Variants in UBR7 observed in about 807,000 individuals in gnomAD.
UBR7 encodes the protein ubiquitin protein ligase E3 component n-recognin 7, also known as putative E3 ubiquitin-protein ligase UBR7.
In UBR7, 22 loss-of-function variants were observed where a neutral mutation model predicts 57.0. That is an observed-to-expected ratio of 0.39 (90% CI 0.28 to 0.55). The LOEUF (loss-of-function observed/expected upper bound fraction) is 0.55, where lower values mean the gene tolerates loss of function less well. Ranked by LOEUF, UBR7 falls within the 20% of genes least tolerant of loss-of-function variation. UBR7 has a pLI of 0.69. For missense variants in UBR7, 395 were observed against 513.2 expected, an observed-to-expected ratio of 0.77 and a Z score of 2.23; for synonymous variants, 167 against 179.8, an observed-to-expected ratio of 0.93 and a Z score of 0.57.
chr14:93,213,180 C>A (rs751220957), intron 4 of UBR7, among the ~76,000 whole-genome samples: 7 of 152,038 alleles, frequency 4.6e-5, no homozygotes, highest in Non-Finnish European at 8.8e-5. Flanking sequence ...AAATTGTGAT[C>A]ATATCTGCCA....
intron 9 of UBR7, among the ~76,000 whole-genome samples, chr14:93,221,860 G>C (rs1019705723): frequency 6.6e-6 from 1 of 152,078 alleles, no homozygotes; most frequent in African/African-American, 2.4e-5. Context: ...GCGCGTGCCT[G>C]TAGTCCCAGC....
chr14:93,217,440 TC>T (rs1403599791), intron 6 of UBR7, among the ~76,000 whole-genome samples: 1 of 152,188 alleles, frequency 6.6e-6, no homozygotes, highest in African/African-American at 2.4e-5. Context: ...AGCTCCCCTA[TC>T]GTTTCTCTTC....
Position 93,228,577 on chromosome 14 carries a change from G to T in UBR7, c.*1542G>T, listed in dbSNP as rs1035943272. 34 of 453,948 alleles carry T rather than the reference G, an allele frequency of 7.5e-5. No individual in the cohort carries two copies. Among genetic ancestry groups the T allele is most frequent in the African/African-American group, 6.2e-4 (31 of 49,986 alleles). 28.1% of individuals were successfully genotyped at this position (453,948 alleles called of 1,614,324 possible). ...CAGGCTCCTAATTGCAGATCCTCAC[G>T]AAGGGTGGTATGTGGAGCTGGAAGG... On this transcript the variant is annotated 3_prime_UTR_variant, in exon 11 of 11. Transcript: ENST00000013070.
At position 93,222,616 on chromosome 14, in the gene UBR7, G is replaced by T. The variant is rs59135548; in HGVS notation, c.1185+242G>T. ...AAATTAGCCAGGCGTGGTGATGGGC[G>T]CCTGTAGTCCCAGCTACTAGGGAGG... On this transcript the variant is annotated intron_variant, in intron 10 of 10. Transcript: ENST00000013070. Among the ~76,000 whole-genome samples the T allele has an allele frequency of 3.9e-5, 6 of 152,110 alleles. 1 individual carries two copies. The East Asian group carries it at 1.2e-3, about 29-fold the overall frequency.
chr14:93,226,404 C>G (rs1227636891), intron 10 of UBR7, among the ~76,000 whole-genome samples: 2 of 152,128 alleles, frequency 1.3e-5, no homozygotes, highest in African/African-American at 4.8e-5. Context: ...TCCCAGCATT[C>G]TGGGAGGAAG....
chr14:93,212,153 G>A, intron 4 of UBR7, 26 bp downstream of exon 4: 1 of 1,561,190 alleles, frequency 6.4e-7, no homozygotes, highest in East Asian at 2.3e-5. Flanking sequence ...GTTAAACCTG[G>A]GGGTGTGTCC....
intron 1 of UBR7, among the ~76,000 whole-genome samples, chr14:93,208,921 CCA>C (rs1338375014): frequency 1.3e-5 from 2 of 152,106 alleles, no homozygotes; most frequent in Non-Finnish European, 2.9e-5. Flanking sequence ...TCTTAGCCTC[CCA>C]AGTAGCTGGG....
intron 10 of UBR7, chr14:93,223,727 T>C: frequency 1.2e-6 from 1 of 826,576 alleles, no homozygotes; most frequent in Non-Finnish European, 2.0e-6. Context: ...TGGCGGCACT[T>C]GCTGGCTGCG....
intron 1 of UBR7, among the ~76,000 whole-genome samples, chr14:93,208,278 G>GA (rs1358842217): frequency 6.6e-6 from 1 of 152,078 alleles, no homozygotes; most frequent in Non-Finnish European, 1.5e-5. Flanking sequence ...ACACTGGGGA[G>GA]ATGAGGGGAG....
chr14:93,223,803 C>G (rs1894768845), intron 10 of UBR7: 1 of 742,718 alleles, frequency 1.3e-6, no homozygotes, highest in Non-Finnish European at 2.5e-6. Context: ...CCATAGACCT[C>G]TCGGTAGCAC....
At chr14:93,226,912 C>A in intron 10 of UBR7, 31 bp from the exon 11 acceptor site, 1 of 1,522,548 alleles carries the variant, frequency 6.6e-7, no homozygotes, top group Non-Finnish European at 9.1e-7. Context: ...TTACTTAGTT[C>A]TCTTTCATAA....
intron 3 of UBR7, 95 bp downstream of exon 3, chr14:93,210,803 AAAG>A (rs1301671525): frequency 4.6e-6 from 5 of 1,081,186 alleles, no homozygotes; most frequent in Admixed American, 2.3e-5. Context: ...TTTTCCAAAA[AAAG>A]AAGTTCTTAT....
chr14:93,228,777 A>G lies in UBR7; in HGVS notation c.*1742A>G. The G allele has an allele frequency of 4.4e-6, 2 of 454,120 alleles. No individual in the cohort carries two copies. 28.1% of individuals were successfully genotyped at this position (454,120 alleles called of 1,614,324 possible). ...ACTATTAGTATACCATCATGTCCGG[A>G]AAACTTTTAATCTTCTCAAATATCT... On this transcript the variant is annotated 3_prime_UTR_variant, in exon 11 of 11. Transcript: ENST00000013070.
At chr14:93,209,992 T>C in intron 2 of UBR7, 35 bp downstream of exon 2, 1 of 1,611,374 alleles carries the variant, frequency 6.2e-7, no homozygotes, top group Non-Finnish European at 8.5e-7. Context: ...CTAAATGCTT[T>C]TGAAGTATAG....
At chr14:93,220,222 C>CTTT (rs528210789) in intron 8 of UBR7, 27 bp from the exon 9 acceptor site, 355 of 1,451,612 alleles carry the variant, frequency 2.4e-4, no homozygotes, top group South Asian at 9.4e-4. Context: ...ACTCCTCTTT[C>CTTT]TTTTTTTTTT....
In UBR7 at chr14:93,212,138, T is replaced by TGGAAGTTAAACC; in HGVS notation, c.441+12_441+23dup. 1 of 1,602,192 alleles carries TGGAAGTTAAACC rather than the reference T, an allele frequency of 6.2e-7. No individual in the cohort carries two copies. Among genetic ancestry groups the TGGAAGTTAAACC allele is most frequent in the East Asian group, 2.2e-5 (1 of 44,678 alleles). ...GATCCTGAAGACGAGGTAAGAGAAT[T>TGGAAGTTAAACC]GGAAGTTAAACCTGGGGGTGTGTCC... On this transcript the variant is annotated intron_variant, in intron 4 of 10. Transcript: ENST00000013070.
intron 6 of UBR7, among the ~76,000 whole-genome samples, chr14:93,217,368 T>C (rs1894611818): frequency 6.6e-6 from 1 of 152,140 alleles, no homozygotes; most frequent in Non-Finnish European, 1.5e-5. Context: ...CTCCCTTCAT[T>C]TCCTCTCCCA....
chr14:93,212,152 G>A, intron 4 of UBR7, 25 bp downstream of exon 4: 1 of 1,564,626 alleles, frequency 6.4e-7, no homozygotes, highest in Non-Finnish European at 8.8e-7. Flanking sequence ...AGTTAAACCT[G>A]GGGGTGTGTC....
intron 10 of UBR7, among the ~76,000 whole-genome samples, chr14:93,225,024 A>ATCC (rs1894818623): frequency 5.9e-5 from 9 of 152,210 alleles, no homozygotes; most frequent in Non-Finnish European, 1.2e-4. Context: ...AGGTCTTCAC[A>ATCC]GGTATCTTCA....
Sources: gnomAD v4.1 joint callset for allele counts (sites outside exome capture counted in the v4.1 genomes callset) on GRCh38, gnomAD v4.1.1 for gene constraint, MANE v1.5 for transcripts, NCBI Gene and HGNC (gene_info 2026-07-23, HGNC 2026-07-21) for gene names.